The following EXOC4 variants were observed in gnomAD, a reference collection of about 807,000 sequenced individuals.
EXOC4 encodes exocyst complex component 4, also known as SEC8-like 1.
A neutral mutation model predicts 107.2 loss-of-function variants in EXOC4; 71 were observed. The observed-to-expected ratio is 0.66, with a 90% confidence interval of 0.55 to 0.81. EXOC4 has a LOEUF of 0.81. EXOC4 is among the 30% of genes least tolerant of loss of function. EXOC4 has a pLI of 0.00. For synonymous variants in EXOC4, 456 were observed against 441.2 expected, an observed-to-expected ratio of 1.03 and a Z score of -0.42; for missense variants, 1,108 against 1,189.6, an observed-to-expected ratio of 0.93 and a Z score of 1.01.
At chr7:133,818,426 C>T (rs1797427376) in intron 11 of EXOC4, among the ~76,000 whole-genome samples, 1 of 152,166 alleles carries the variant, frequency 6.6e-6, no homozygotes, top group Non-Finnish European at 1.5e-5. Context: ...CTGCCCTTAC[C>T]TGCCTTTACA....
chr7:133,788,209 A>T (rs1796628588), intron 10 of EXOC4, among the ~76,000 whole-genome samples: 1 of 150,130 alleles, frequency 6.7e-6, no homozygotes, highest in African/African-American at 2.5e-5. Context: ...ATTCCATCAG[A>T]TCCACTCCCT....
intron 11 of EXOC4, among the ~76,000 whole-genome samples, chr7:133,888,240 ATAAT>A (rs1799129304): frequency 6.6e-6 from 1 of 152,228 alleles, no homozygotes; most frequent in South Asian, 2.1e-4. Context: ...CTTTTAGAAA[ATAAT>A]TAGCCAAAAC....
chr7:133,515,004 A>T (rs1799845752), intron 9 of EXOC4, among the ~76,000 whole-genome samples: 1 of 152,184 alleles, frequency 6.6e-6, no homozygotes, highest in African/African-American at 2.4e-5. Context: ...TTGATAAAGT[A>T]ATATTAAACT....
intron 17 of EXOC4, among the ~76,000 whole-genome samples, chr7:134,029,859 A>G (rs1161069060): frequency 6.6e-6 from 1 of 152,146 alleles, no homozygotes; most frequent in Non-Finnish European, 1.5e-5. Flanking sequence ...AGGCTCTTAC[A>G]TATCTTTGGA....
the EXOC4 span, among the ~76,000 whole-genome samples, chr7:134,079,304 C>T: frequency 2.0e-5 from 3 of 152,188 alleles, no homozygotes; most frequent in African/African-American, 7.2e-5. Flanking sequence ...CAGGATCAGA[C>T]CCACCTTCTA....
At chr7:133,389,290 G>C (rs538735765) in intron 7 of EXOC4, among the ~76,000 whole-genome samples, 1 of 152,124 alleles carries the variant, frequency 6.6e-6, no homozygotes, top group African/African-American at 2.4e-5. Context: ...TGGAGAGTCG[G>C]CTGGGCATGG....
At chr7:133,749,877 G>T (rs369634169) in intron 10 of EXOC4, among the ~76,000 whole-genome samples, 1 of 150,752 alleles carries the variant, frequency 6.6e-6, no homozygotes, top group African/African-American at 2.4e-5. Context: ...GTACCTTGAG[G>T]TTCAGTAGAA....
chr7:133,992,426 G>A (rs549361130), intron 14 of EXOC4, among the ~76,000 whole-genome samples: 28 of 151,964 alleles, frequency 1.8e-4, no homozygotes, highest in Non-Finnish European at 3.7e-4. Flanking sequence ...GAGATTATAG[G>A]CACCCGCCAC....
intron 14 of EXOC4, among the ~76,000 whole-genome samples, chr7:133,951,489 A>G (rs1371254297): frequency 1.3e-5 from 2 of 152,108 alleles, no homozygotes; most frequent in African/African-American, 4.8e-5. Flanking sequence ...TCCTGAGACT[A>G]TTTTATTTCT....
At chr7:133,907,161 T>C (rs1042774970) in intron 12 of EXOC4, among the ~76,000 whole-genome samples, 15 of 152,230 alleles carry the variant, frequency 9.9e-5, no homozygotes, top group South Asian at 6.2e-4. Flanking sequence ...AACACTGATA[T>C]ATATTCATTT....
At chr7:133,580,648 T>A (rs1801244486) in intron 9 of EXOC4, among the ~76,000 whole-genome samples, 1 of 152,246 alleles carries the variant, frequency 6.6e-6, no homozygotes, top group Non-Finnish European at 1.5e-5. Context: ...TAACACTGAT[T>A]GAATCAGATC....
At chr7:134,088,446 A>G in the EXOC4 span, among the ~76,000 whole-genome samples, 1 of 152,216 alleles carries the variant, frequency 6.6e-6, no homozygotes, top group East Asian at 1.9e-4. Context: ...AAATAGCTTA[A>G]AAGAATTGTT....
At chr7:133,430,967 G>T (rs1797843181) in intron 7 of EXOC4, among the ~76,000 whole-genome samples, 1 of 152,204 alleles carries the variant, frequency 6.6e-6, no homozygotes, top group Admixed American at 6.5e-5. Flanking sequence ...CACTCCACCT[G>T]TGTCAGCACT....
Position 133,854,245 on chromosome 7 carries a change from G to C in EXOC4, c.1734+36701G>C, listed in dbSNP as rs149645343. Among the ~76,000 whole-genome samples the C allele has an allele frequency of 2.4e-3, 361 of 152,254 alleles. 5 individuals carry two copies. The highest frequency in any genetic ancestry group is 8.1e-3 in the African/African-American group (337 of 41,548). On this transcript the variant is annotated intron_variant, in intron 11 of 17. Coordinates refer to ENST00000253861, the MANE Select transcript of EXOC4 (RefSeq NM_021807.4). ...GCTCCCTGTTCCTCAGGGTGAGGCT[G>C]GGGTAGAGCTGGGAATGACGGACTC...
intron 11 of EXOC4, among the ~76,000 whole-genome samples, chr7:133,873,500 A>G (rs2116406363): frequency 6.6e-6 from 1 of 152,252 alleles, no homozygotes; most frequent in Admixed American, 6.5e-5. Context: ...GATGTGTGTG[A>G]GGCAGGGTAA....
chr7:133,619,602 C>T (rs981107744), intron 9 of EXOC4, among the ~76,000 whole-genome samples: 2 of 152,166 alleles, frequency 1.3e-5, no homozygotes, highest in Admixed American at 6.5e-5. Context: ...GATGGGCTCA[C>T]CTGATTAGAG....
chr7:133,585,845 C>T (rs762602855), intron 9 of EXOC4, among the ~76,000 whole-genome samples: 2 of 151,986 alleles, frequency 1.3e-5, no homozygotes, highest in Non-Finnish European at 2.9e-5. Context: ...AGGCATGCAC[C>T]ACCACACCCA....
chr7:133,436,246 AT>A (rs1422199324), intron 7 of EXOC4, among the ~76,000 whole-genome samples: 2 of 152,052 alleles, frequency 1.3e-5, no homozygotes, highest in East Asian at 3.9e-4. Context: ...TTCAGCTGCT[AT>A]GTCTGTACTT....
intron 17 of EXOC4, among the ~76,000 whole-genome samples, chr7:134,057,747 T>G (rs1162510821): frequency 6.6e-6 from 1 of 152,136 alleles, no homozygotes. Flanking sequence ...CTAATTCTGA[T>G]GGGAGCCCCA....
Sources: allele counts gnomAD v4.1 joint callset (sites outside exome capture counted in the v4.1 genomes callset), GRCh38; gene constraint gnomAD v4.1.1; transcripts MANE v1.5; gene names NCBI Gene and HGNC (gene_info 2026-07-23, HGNC 2026-07-21).